ROBO2: variants seen among roughly 807,000 people sequenced by gnomAD.
The protein encoded by ROBO2 is roundabout guidance receptor 2, also known as roundabout homolog 2.
A neutral mutation model predicts 160.8 loss-of-function variants in ROBO2; 53 were observed. That is an observed-to-expected ratio of 0.33 (90% CI 0.26 to 0.41). The LOEUF is 0.41. Ranked by LOEUF, ROBO2 falls within the 10% of genes least tolerant of loss-of-function variation. ROBO2 has a pLI of 1.00. For synonymous variants in ROBO2, 664 were observed against 611.7 expected, an observed-to-expected ratio of 1.09 and a Z score of -1.26; for missense variants, 1,577 against 1,722.4, an observed-to-expected ratio of 0.92 and a Z score of 1.49.
At chr3:77,048,117 A>T (rs931573628) in intron 1 of ROBO2, among the ~76,000 whole-genome samples, 2 of 152,256 alleles carry the variant, frequency 1.3e-5, no homozygotes, top group African/African-American at 4.8e-5. Context: ...ACTTATTGTT[A>T]TAATTAGTAG....
chr3:76,356,051 C>G (rs2075142778), intron 2 of ROBO2, among the ~76,000 whole-genome samples: 1 of 151,584 alleles, frequency 6.6e-6, no homozygotes, highest in Admixed American at 6.6e-5. Flanking sequence ...TTGAAATAAA[C>G]TATTGTTTAT....
chr3:76,007,615 A>G (rs976081275), intron 2 of ROBO2, among the ~76,000 whole-genome samples: 1 of 152,210 alleles, frequency 6.6e-6, no homozygotes, highest in Non-Finnish European at 1.5e-5. Flanking sequence ...ACTTGTAAAC[A>G]TACCTCTGAC....
Position 76,549,251 on chromosome 3 carries a change from A to G in ROBO2, c.110-548763A>G, listed in dbSNP as rs540275406. On this transcript the variant is annotated intron_variant, in intron 2 of 26. Coordinates refer to the ROBO2 transcript ENST00000487694. ...TTTCTCCAATTCAAATTTCATATAAATATACTGAGTTCTGGCAATGTGAAT... is the reference window on the plus strand; with the variant it reads ...TTTCTCCAATTCAAATTTCATATAAGTATACTGAGTTCTGGCAATGTGAAT... Among the ~76,000 whole-genome samples the G allele has an allele frequency of 2.0e-5, 3 of 152,324 alleles. No homozygotes were observed. In the East Asian group the frequency reaches 5.8e-4, roughly 29 times the overall value.
chr3:76,495,207 CATTT>C (rs1209961492), intron 2 of ROBO2, among the ~76,000 whole-genome samples: 4 of 134,700 alleles, frequency 3.0e-5, no homozygotes, highest in African/African-American at 1.1e-4. Flanking sequence ...TATTTATCTT[CATTT>C]CCTTTTTTTT....
intron 2 of ROBO2, among the ~76,000 whole-genome samples, chr3:76,065,471 G>A (rs2068220561): frequency 6.6e-6 from 1 of 151,784 alleles, no homozygotes; most frequent in Non-Finnish European, 1.5e-5. Context: ...AAGATTGTTG[G>A]CCACTAATTA....
intron 2 of ROBO2, among the ~76,000 whole-genome samples, chr3:76,291,167 A>G (rs1302765169): frequency 6.6e-6 from 1 of 152,070 alleles, no homozygotes; most frequent in African/African-American, 2.4e-5. Context: ...GAATTCATGT[A>G]GTCCAGGGCT....
At chr3:76,046,009 T>G (rs1408144680) in intron 2 of ROBO2, among the ~76,000 whole-genome samples, 1 of 151,946 alleles carries the variant, frequency 6.6e-6, no homozygotes, top group Non-Finnish European at 1.5e-5. Context: ...CCCGAGGAAG[T>G]CTTCACTTTG....
intron 2 of ROBO2, among the ~76,000 whole-genome samples, chr3:75,971,538 TC>T (rs2064994330): frequency 6.6e-6 from 1 of 151,558 alleles, no homozygotes; most frequent in African/African-American, 2.4e-5. Context: ...TCCTACTTTG[TC>T]AAACTCTCTA....
At chr3:76,030,726 G>A (rs1427891792) in intron 2 of ROBO2, among the ~76,000 whole-genome samples, 1 of 151,968 alleles carries the variant, frequency 6.6e-6, no homozygotes, top group African/African-American at 2.4e-5. Context: ...ATTGTTCTAT[G>A]TATCTGTTTT....
chr3:75,974,931 G>C (rs1165911343), intron 2 of ROBO2, among the ~76,000 whole-genome samples: 3 of 151,534 alleles, frequency 2.0e-5, no homozygotes, highest in Admixed American at 6.6e-5. Flanking sequence ...TTGATAAATT[G>C]ATGAGCTTTA....
chr3:76,543,485 T>C (rs992596020), intron 2 of ROBO2, among the ~76,000 whole-genome samples: 3 of 152,092 alleles, frequency 2.0e-5, no homozygotes, highest in African/African-American at 4.8e-5. Context: ...TCTCTTTTCC[T>C]TGTTCCTACA....
chr3:76,895,061 G>T (rs938514147), intron 2 of ROBO2, among the ~76,000 whole-genome samples: 1 of 152,006 alleles, frequency 6.6e-6, no homozygotes, highest in Non-Finnish European at 1.5e-5. Context: ...TTTGAATTGA[G>T]ATATTCCTGA....
At chr3:77,426,773 C>A (rs1238390428) in intron 2 of ROBO2, among the ~76,000 whole-genome samples, 1 of 151,886 alleles carries the variant, frequency 6.6e-6, no homozygotes, top group Non-Finnish European at 1.5e-5. Context: ...TTCAATTCAA[C>A]CTTACACATT....
At chr3:76,440,923 T>G (rs1217452293) in intron 2 of ROBO2, among the ~76,000 whole-genome samples, 1 of 152,138 alleles carries the variant, frequency 6.6e-6, no homozygotes, top group Non-Finnish European at 1.5e-5. Context: ...CAATGTTTCT[T>G]TGGCCTATTA....
intron 2 of ROBO2, among the ~76,000 whole-genome samples, chr3:76,524,865 A>AAAAAAAAAAAAAAAAAAAATAT (rs1560091318): frequency 8.6e-6 from 1 of 116,018 alleles, no homozygotes. Context: ...AAAAAAAAAA[A>AAAAAAAAAAAAAAAAAAAATAT]ATAAGTAAAA....
intron 2 of ROBO2, among the ~76,000 whole-genome samples, chr3:76,739,713 G>A (rs767832784): frequency 5.3e-5 from 8 of 152,130 alleles, no homozygotes; most frequent in Non-Finnish European, 1.0e-4. Flanking sequence ...AGGGTGGGTT[G>A]AGAAATTAAT....
At chr3:76,536,611 T>C (rs948174298) in intron 2 of ROBO2, among the ~76,000 whole-genome samples, 3 of 152,114 alleles carry the variant, frequency 2.0e-5, no homozygotes, top group African/African-American at 7.2e-5. Flanking sequence ...CTGTCTGCTA[T>C]TCCCATCGGG....
intron 2 of ROBO2, among the ~76,000 whole-genome samples, chr3:77,099,157 T>A (rs1169665675): frequency 2.7e-5 from 4 of 147,382 alleles, no homozygotes; most frequent in Non-Finnish European, 5.9e-5. Context: ...CTGCAACCTC[T>A]GCCTCACGGG....
chr3:76,531,576 TCTC>T (rs2108059720), intron 2 of ROBO2, among the ~76,000 whole-genome samples: 1 of 151,450 alleles, frequency 6.6e-6, no homozygotes, highest in Non-Finnish European at 1.5e-5. Context: ...TTTCTGATCT[TCTC>T]CTTCTCTTTT....
Sources: allele counts gnomAD v4.1 joint callset (sites outside exome capture counted in the v4.1 genomes callset), GRCh38; gene constraint gnomAD v4.1.1; transcripts MANE v1.5; gene names NCBI Gene and HGNC (gene_info 2026-07-23, HGNC 2026-07-21).